The following EHBP1 variants were observed in gnomAD, a reference collection of about 807,000 sequenced individuals.
EHBP1 encodes the protein EH domain-binding protein 1.
EHBP1 carries 55 observed loss-of-function variants against 144.0 expected under a neutral mutation model. That is an observed-to-expected ratio of 0.38 (90% confidence interval 0.31 to 0.48). The LOEUF (loss-of-function observed/expected upper bound fraction) is 0.48, where lower values mean the gene tolerates loss of function less well. Ranked by LOEUF, EHBP1 falls within the 20% of genes least tolerant of loss-of-function variation. The pLI, the probability that EHBP1 is intolerant of heterozygous loss-of-function variation, is 0.98. For missense variants in EHBP1, 1,200 were observed against 1,364.2 expected, an observed-to-expected ratio of 0.88 and a Z score of 1.90; for synonymous variants, 469 against 472.7, an observed-to-expected ratio of 0.99 and a Z score of 0.10.
At chr2:62,871,054 G>A (rs2050441972) in intron 9 of EHBP1, among the ~76,000 whole-genome samples, 1 of 152,092 alleles carries the variant, frequency 6.6e-6, no homozygotes. Context: ...TAAAGTTATT[G>A]TGTTTGTTTT....
chr2:62,767,064 G>C (rs1012320710), intron 4 of EHBP1, among the ~76,000 whole-genome samples: 2 of 151,826 alleles, frequency 1.3e-5, no homozygotes, highest in African/African-American at 4.8e-5. Flanking sequence ...GTAAGAGGAA[G>C]GGCATCAGTA....
intron 14 of EHBP1, chr2:62,965,122 C>A (rs2058185654): frequency 6.6e-6 from 1 of 152,490 alleles, no homozygotes; most frequent in African/African-American, 2.4e-5. Flanking sequence ...GTTTGTGCCA[C>A]AGTAGTGCAG....
chr2:62,877,660 G>A (rs1457599113), intron 10 of EHBP1, among the ~76,000 whole-genome samples: 3 of 152,118 alleles, frequency 2.0e-5, no homozygotes, highest in African/African-American at 7.2e-5. Context: ...TCAGACCACA[G>A]CACAATAAAA....
At chr2:62,763,375 A>G (rs2040914532) in intron 3 of EHBP1, among the ~76,000 whole-genome samples, 1 of 152,190 alleles carries the variant, frequency 6.6e-6, no homozygotes, top group East Asian at 1.9e-4. Context: ...GGCAGATAGT[A>G]TCAATTAAGC....
chr2:62,815,586 G>GAACACCACTTTTTACTTGA (rs1273686295), intron 5 of EHBP1, among the ~76,000 whole-genome samples: 1 of 152,082 alleles, frequency 6.6e-6, no homozygotes, highest in Non-Finnish European at 1.5e-5. Context: ...TTTTTTCCTG[G>GAACACCACTTTTTACTTGA]AACACCACTT....
chr2:63,024,537 G>A (rs540755696), intron 19 of EHBP1, among the ~76,000 whole-genome samples: 4 of 147,058 alleles, frequency 2.7e-5, no homozygotes, highest in South Asian at 2.1e-4. Flanking sequence ...AGGAGGTCAA[G>A]GCTATAGTGA....
chr2:62,984,242 C>T (rs17027554), intron 15 of EHBP1, among the ~76,000 whole-genome samples: 2,478 of 152,158 alleles, frequency 0.016, 53 homozygotes, highest in African/African-American at 0.054. Flanking sequence ...TTAACTGTCA[C>T]CAGATATCTT....
intron 21 of EHBP1, among the ~76,000 whole-genome samples, chr2:63,041,247 A>G (rs1574592810): frequency 1.3e-5 from 2 of 152,282 alleles, no homozygotes; most frequent in South Asian, 2.1e-4. Flanking sequence ...GGTGTTTTTC[A>G]TAGCAGGAGT....
intron 13 of EHBP1, 113 bp from the exon 14 acceptor site, chr2:62,955,404 A>C: frequency 9.8e-7 from 1 of 1,018,126 alleles, no homozygotes. Context: ...ATGAAGCTAC[A>C]ATCTTATTCA....
chr2:62,833,443 C>G (rs1171765726), intron 7 of EHBP1, among the ~76,000 whole-genome samples: 2 of 152,218 alleles, frequency 1.3e-5, no homozygotes, highest in Non-Finnish European at 2.9e-5. Flanking sequence ...AATTTCACAG[C>G]TAGAGGGACA....
intron 19 of EHBP1, among the ~76,000 whole-genome samples, chr2:62,999,897 A>C (rs2059781612): frequency 6.6e-6 from 1 of 152,236 alleles, no homozygotes; most frequent in Non-Finnish European, 1.5e-5. Context: ...GTTAAGGTAG[A>C]ATTCAGAAAA....
At chr2:62,810,489 T>TCAA (rs1181205687) in intron 5 of EHBP1, among the ~76,000 whole-genome samples, 1 of 152,212 alleles carries the variant, frequency 6.6e-6, no homozygotes, top group Non-Finnish European at 1.5e-5. Context: ...AGAGGCTTGA[T>TCAA]GGTGGTATAA....
At chr2:62,704,227 G>T (rs1441018047), upstream of EHBP1, among the ~76,000 whole-genome samples, 1 of 152,180 alleles carries the variant, frequency 6.6e-6, no homozygotes, top group Non-Finnish European at 1.5e-5. Context: ...CGATAACTAT[G>T]CTGTTTTCTG....
At chr2:62,961,814 G>T (rs2058015080) in intron 14 of EHBP1, among the ~76,000 whole-genome samples, 1 of 151,968 alleles carries the variant, frequency 6.6e-6, no homozygotes, top group Non-Finnish European at 1.5e-5. Flanking sequence ...GAGGCAGGCA[G>T]ATCACCTGAG....
At chr2:62,758,702 A>G (rs988288517) in intron 3 of EHBP1, among the ~76,000 whole-genome samples, 5 of 152,198 alleles carry the variant, frequency 3.3e-5, no homozygotes, top group Admixed American at 2.0e-4. Context: ...AAAAGAAACC[A>G]TAACTTTAAA....
At chr2:63,026,722 C>T (rs1237899686) in intron 19 of EHBP1, among the ~76,000 whole-genome samples, 1 of 152,182 alleles carries the variant, frequency 6.6e-6, no homozygotes, top group Non-Finnish European at 1.5e-5. Flanking sequence ...CAGGTCTCGT[C>T]TAGGCATCCC....
chr2:63,011,002 A>T (rs2060241396), intron 19 of EHBP1, among the ~76,000 whole-genome samples: 1 of 151,748 alleles, frequency 6.6e-6, no homozygotes, highest in South Asian at 2.1e-4. Context: ...TTGAAAACTG[A>T]GGCCAACAAA....
At chr2:62,734,277 T>C (rs1020022714) in intron 2 of EHBP1, among the ~76,000 whole-genome samples, 2 of 152,076 alleles carry the variant, frequency 1.3e-5, no homozygotes, top group Non-Finnish European at 2.9e-5. Context: ...TCCAGGCTTA[T>C]AGAAATTCAC....
At chr2:62,750,388 C>T (rs2039570951) in intron 3 of EHBP1, among the ~76,000 whole-genome samples, 2 of 152,122 alleles carry the variant, frequency 1.3e-5, no homozygotes, top group African/African-American at 4.8e-5. Flanking sequence ...TTACTGTAGC[C>T]TTGTAGTATA....
Sources: gnomAD v4.1 joint callset for allele counts (sites outside exome capture counted in the v4.1 genomes callset) on GRCh38, gnomAD v4.1.1 for gene constraint, MANE v1.5 for transcripts, NCBI Gene and HGNC (gene_info 2026-07-23, HGNC 2026-07-21) for gene names.